CSMD1: variants seen among roughly 807,000 people sequenced by gnomAD.
The protein encoded by CSMD1 is CUB and sushi domain-containing protein 1.
In CSMD1, 213 loss-of-function variants were observed where a neutral mutation model predicts 417.5. The ratio of observed to expected loss-of-function variants is 0.51; its 90% confidence interval spans 0.46 to 0.57. The LOEUF is 0.57. Among genes scored for constraint, CSMD1 ranks in the 20% least tolerant of loss-of-function variants. The pLI is 0.00. For synonymous variants in CSMD1, 2,862 were observed against 1,736.8 expected, an observed-to-expected ratio of 1.65 and a Z score of -16.11; for missense variants, 6,923 against 4,529.7, an observed-to-expected ratio of 1.53 and a Z score of -15.17.
At chr8:4,069,802 C>G (rs537396621) in intron 3 of CSMD1, among the ~76,000 whole-genome samples, 115 of 152,316 alleles carry the variant, frequency 7.6e-4, no homozygotes, top group African/African-American at 2.6e-3. Context: ...CACGTAATTA[C>G]TCGACAACTC....
chr8:4,041,961 A>C (rs1003316358), intron 3 of CSMD1, among the ~76,000 whole-genome samples: 1 of 152,194 alleles, frequency 6.6e-6, no homozygotes, highest in Non-Finnish European at 1.5e-5. Flanking sequence ...TTAAAATGAA[A>C]CATAAAAGAA....
chr8:4,159,303 TA>T (rs1198838962), intron 3 of CSMD1, among the ~76,000 whole-genome samples: 2 of 152,226 alleles, frequency 1.3e-5, no homozygotes, highest in Non-Finnish European at 2.9e-5. Flanking sequence ...TCAAGTATTT[TA>T]AAAGCTAAAT....
chr8:3,302,347 T>G (rs1804479703), intron 25 of CSMD1, among the ~76,000 whole-genome samples: 1 of 152,130 alleles, frequency 6.6e-6, no homozygotes, highest in Non-Finnish European at 1.5e-5. Flanking sequence ...TCACAGCATC[T>G]CCTCCCTTAC....
In CSMD1 at chr8:4,847,582, T is replaced by C. The variant is rs192314885; in HGVS notation, c.85+146750A>G. Among the ~76,000 whole-genome samples the C allele has an allele frequency of 7.2e-5, 11 of 152,204 alleles. No homozygotes were observed. In the East Asian group the frequency reaches 2.1e-3, roughly 29 times the overall value. ...TTAAAGAGTCCATACTCTATTCAGATTCTTTTCAGTTTTGCCTAATATCGT... is the reference window on the plus strand; with the variant it reads ...TTAAAGAGTCCATACTCTATTCAGACTCTTTTCAGTTTTGCCTAATATCGT... On this transcript the variant is annotated intron_variant, in intron 1 of 69. Transcript: ENST00000635120.
intron 1 of CSMD1, among the ~76,000 whole-genome samples, chr8:4,745,600 G>C (rs74546049): frequency 1.3e-5 from 2 of 152,170 alleles, no homozygotes; most frequent in South Asian, 2.1e-4. Context: ...GAAATAAAGA[G>C]AGAGAGAGGG....
At chr8:3,312,357 C>G (rs1172930527) in intron 23 of CSMD1, among the ~76,000 whole-genome samples, 1 of 152,174 alleles carries the variant, frequency 6.6e-6, no homozygotes, top group African/African-American at 2.4e-5. Flanking sequence ...CAAAAGATCA[C>G]TTAAGACCTT....
chr8:4,541,984 G>T (rs1360423261), intron 2 of CSMD1, among the ~76,000 whole-genome samples: 1 of 152,134 alleles, frequency 6.6e-6, no homozygotes, highest in African/African-American at 2.4e-5. Context: ...CAGATGTGGA[G>T]GAAGAAATGC....
intron 6 of CSMD1, among the ~76,000 whole-genome samples, chr8:3,745,748 C>A (rs913724832): frequency 8.5e-5 from 13 of 152,188 alleles, no homozygotes; most frequent in African/African-American, 2.9e-4. Flanking sequence ...AACAGCTTCG[C>A]CATTCAATTT....
At chr8:4,472,185 G>A (rs1025257382) in intron 2 of CSMD1, among the ~76,000 whole-genome samples, 1 of 152,088 alleles carries the variant, frequency 6.6e-6, no homozygotes, top group South Asian at 2.1e-4. Flanking sequence ...TTATTAAAAT[G>A]TTATTTTTTC....
chr8:3,352,305 A>G (rs1312257842), intron 21 of CSMD1, among the ~76,000 whole-genome samples: 1 of 152,188 alleles, frequency 6.6e-6, no homozygotes, highest in African/African-American at 2.4e-5. Context: ...GTTGCAGGGA[A>G]TGCCCTAAAA....
chr8:4,309,584 G>A (rs1048255244), intron 3 of CSMD1, among the ~76,000 whole-genome samples: 2 of 152,080 alleles, frequency 1.3e-5, no homozygotes, highest in Admixed American at 1.3e-4. Context: ...CAGTTCATAT[G>A]AAATTCCCTA....
chr8:3,577,070 C>A (rs1467842684), intron 9 of CSMD1, among the ~76,000 whole-genome samples: 2 of 152,130 alleles, frequency 1.3e-5, no homozygotes, highest in South Asian at 2.1e-4. Flanking sequence ...TTGTTACAAT[C>A]CTACTGACAA....
chr8:3,407,392 G>A (rs931501153), intron 14 of CSMD1, among the ~76,000 whole-genome samples: 1 of 151,336 alleles, frequency 6.6e-6, no homozygotes, highest in African/African-American at 2.4e-5. Flanking sequence ...TGGAACGATG[G>A]ATGGATGGAA....
At chr8:3,371,250 G>A (rs759817274) in intron 18 of CSMD1, among the ~76,000 whole-genome samples, 5 of 152,128 alleles carry the variant, frequency 3.3e-5, no homozygotes, top group South Asian at 2.1e-4. Context: ...TGTTTCTCTG[G>A]AGCACACTGA....
At chr8:3,914,035 T>G (rs1808637907) in intron 5 of CSMD1, among the ~76,000 whole-genome samples, 3 of 152,202 alleles carry the variant, frequency 2.0e-5, no homozygotes, top group Non-Finnish European at 4.4e-5. Flanking sequence ...TACTTCTAAG[T>G]TAAAGAAAAA....
At chr8:3,885,302 T>G (rs1305563289) in intron 5 of CSMD1, among the ~76,000 whole-genome samples, 1 of 152,138 alleles carries the variant, frequency 6.6e-6, no homozygotes, top group Non-Finnish European at 1.5e-5. Context: ...ATCTGACCTT[T>G]TCAGGGGTTT....
chr8:3,635,793 C>CAAAAAAAAAAAAAAAAAAAAAAAAAAAA (rs752552617), intron 7 of CSMD1, among the ~76,000 whole-genome samples: 1 of 99,282 alleles, frequency 1.0e-5, no homozygotes, highest in African/African-American at 4.1e-5. Flanking sequence ...GCTTCCATCT[C>CAAAAAAAAAAAAAAAAAAAAAAAAAAAA]AAAAAAAAAA....
chr8:3,208,287 C>T (rs1563143801), intron 30 of CSMD1, among the ~76,000 whole-genome samples: 1 of 152,120 alleles, frequency 6.6e-6, no homozygotes, highest in Non-Finnish European at 1.5e-5. Flanking sequence ...TTTTCAAGAA[C>T]ATCTTCTGAT....
chr8:3,528,902 T>C (rs117207711), intron 10 of CSMD1, among the ~76,000 whole-genome samples: 4,294 of 152,330 alleles, frequency 0.028, 87 homozygotes, highest in Middle Eastern at 0.044. Flanking sequence ...TTCATTTGCA[T>C]TTATCTGCAA....
Sources: gnomAD v4.1 joint callset for allele counts (sites outside exome capture counted in the v4.1 genomes callset) on GRCh38, gnomAD v4.1.1 for gene constraint, MANE v1.5 for transcripts, NCBI Gene and HGNC (gene_info 2026-07-23, HGNC 2026-07-21) for gene names.